PLXDC2: variants seen among roughly 807,000 people sequenced by gnomAD.
PLXDC2 encodes the protein plexin domain containing 2, also known as plexin domain-containing protein 2.
PLXDC2 carries 40 observed loss-of-function variants against 68.9 expected under a neutral mutation model. The observed-to-expected ratio is 0.58, with a 90% CI of 0.45 to 0.76. The LOEUF (loss-of-function observed/expected upper bound fraction) is 0.76. PLXDC2 is among the 30% of genes least tolerant of loss of function. PLXDC2 has a pLI of 0.00. For synonymous variants in PLXDC2, 243 were observed against 234.2 expected, an observed-to-expected ratio of 1.04 and a Z score of -0.34; for missense variants, 644 against 661.9, an observed-to-expected ratio of 0.97 and a Z score of 0.30.
chr10:19,935,791 A>G (rs750206344), intron 1 of PLXDC2, among the ~76,000 whole-genome samples: 49 of 152,226 alleles, frequency 3.2e-4, no homozygotes, highest in Non-Finnish European at 5.3e-4. Context: ...TCAAAAGCAC[A>G]TTTTAGGACA....
In PLXDC2 at chr10:20,284,054, C is replaced by T. The variant is rs1219185262; in HGVS notation, c.*4235C>T. On this transcript the variant is annotated 3_prime_UTR_variant, in exon 14 of 14. Coordinates refer to ENST00000377252, the MANE Select transcript of PLXDC2 (RefSeq NM_032812.9). ...ACTTGAGAAAGGTTTTGCCAGGATC[C>T]ACAGATCGCTTCAAGATGCTTTCGT... 3 of 152,026 alleles carry T rather than the reference C, an allele frequency of 2.0e-5. No homozygotes were observed. The highest frequency in any genetic ancestry group is 6.6e-5 in the Admixed American group (1 of 15,256). The allele number at this position is 152,026 out of a possible 1,614,324, so 9.4% of individuals were successfully genotyped here. A position where few individuals can be genotyped will look rare whatever the true frequency, so the allele number is the denominator to read the frequency against.
chr10:20,125,933 CATATATAT>C (rs3048906), intron 4 of PLXDC2, among the ~76,000 whole-genome samples: 1 of 146,530 alleles, frequency 6.8e-6, no homozygotes, highest in Admixed American at 6.9e-5. Context: ...GAGAAATGAA[CATATATAT>C]ATATATATAT....
chr10:19,819,328 A>G (rs1485833436), intron 1 of PLXDC2, among the ~76,000 whole-genome samples: 1 of 152,232 alleles, frequency 6.6e-6, no homozygotes, highest in East Asian at 1.9e-4. Flanking sequence ...TATAAACAGA[A>G]GTAGCTTCTT....
chr10:20,146,488 T>TTCCTTCC (rs1554769785), intron 5 of PLXDC2, among the ~76,000 whole-genome samples: 9 of 81,336 alleles, frequency 1.1e-4, no homozygotes, highest in African/African-American at 3.1e-4. Context: ...TTCTTTTCTT[T>TTCCTTCC]TTCCTTCCTT....
intron 2 of PLXDC2, among the ~76,000 whole-genome samples, chr10:20,036,159 C>A (rs1032308895): frequency 6.6e-6 from 1 of 152,130 alleles, no homozygotes; most frequent in African/African-American, 2.4e-5. Flanking sequence ...TACCCCCCGC[C>A]CACTCCAAAT....
intron 1 of PLXDC2, among the ~76,000 whole-genome samples, chr10:19,843,337 T>G (rs1292021130): frequency 1.3e-5 from 2 of 152,156 alleles, no homozygotes; most frequent in Non-Finnish European, 1.5e-5. Flanking sequence ...TTATCCAATA[T>G]CGATTTATTC....
At chr10:20,236,998 TTG>T (rs767394909) in intron 12 of PLXDC2, among the ~76,000 whole-genome samples, 23 of 93,062 alleles carry the variant, frequency 2.5e-4, no homozygotes, top group Non-Finnish European at 3.3e-4. Flanking sequence ...TTATGAGTTG[TTG>T]TTTTTTTTTT....
chr10:20,148,354 A>G (rs1373011388), intron 6 of PLXDC2, among the ~76,000 whole-genome samples: 1 of 152,084 alleles, frequency 6.6e-6, no homozygotes, highest in Non-Finnish European at 1.5e-5. Context: ...ATGTGGCTCA[A>G]GGACCCAGTA....
intron 2 of PLXDC2, among the ~76,000 whole-genome samples, chr10:20,041,387 A>G (rs927077465): frequency 1.3e-5 from 2 of 151,952 alleles, no homozygotes. Context: ...GGTACCAGGT[A>G]CCAGCTTATT....
chr10:20,113,816 C>T (rs755479381), intron 4 of PLXDC2, among the ~76,000 whole-genome samples: 18 of 152,112 alleles, frequency 1.2e-4, no homozygotes, highest in Non-Finnish European at 2.4e-4. Context: ...TGGTGCTTAT[C>T]AGAATGCTCT....
chr10:19,946,240 A>G (rs1377536224), intron 1 of PLXDC2, among the ~76,000 whole-genome samples: 1 of 152,168 alleles, frequency 6.6e-6, no homozygotes, highest in African/African-American at 2.4e-5. Flanking sequence ...GAAAATGTAG[A>G]TTTAATAATA....
intron 1 of PLXDC2, among the ~76,000 whole-genome samples, chr10:19,880,425 A>C (rs1837707266): frequency 1.3e-5 from 2 of 152,218 alleles, no homozygotes; most frequent in South Asian, 2.1e-4. Context: ...ACAATAACTA[A>C]TAATAAAATA....
intron 4 of PLXDC2, among the ~76,000 whole-genome samples, chr10:20,081,414 A>G (rs531831473): frequency 8.8e-4 from 126 of 143,164 alleles, no homozygotes; most frequent in African/African-American, 3.4e-3. Context: ...CAAAGAAAAA[A>G]AATGAAAAAA....
At chr10:19,985,543 A>G (rs1322284578) in intron 1 of PLXDC2, among the ~76,000 whole-genome samples, 1 of 152,160 alleles carries the variant, frequency 6.6e-6, no homozygotes, top group Non-Finnish European at 1.5e-5. Flanking sequence ...ACAATCCTAG[A>G]TATTAAAATT....
At chr10:20,120,837 A>C (rs1049326420) in intron 4 of PLXDC2, among the ~76,000 whole-genome samples, 1 of 152,210 alleles carries the variant, frequency 6.6e-6, no homozygotes, top group African/African-American at 2.4e-5. Context: ...GAAAGGTTCT[A>C]AGAGGCGGGC....
At chr10:19,996,674 T>G (rs1834849167) in intron 1 of PLXDC2, among the ~76,000 whole-genome samples, 1 of 152,188 alleles carries the variant, frequency 6.6e-6, no homozygotes, top group Non-Finnish European at 1.5e-5. Context: ...TTAGTCCATT[T>G]TCACCATGCT....
intron 4 of PLXDC2, among the ~76,000 whole-genome samples, chr10:20,139,697 C>T (rs1252977592): frequency 6.6e-6 from 1 of 152,136 alleles, no homozygotes; most frequent in Non-Finnish European, 1.5e-5. Context: ...AGTTAACGTC[C>T]TTTGCACGGA....
chr10:19,864,921 T>G (rs527692095), intron 1 of PLXDC2, among the ~76,000 whole-genome samples: 3 of 152,046 alleles, frequency 2.0e-5, no homozygotes, highest in Admixed American at 2.0e-4. Context: ...TAAGTGAGAG[T>G]TGGAAAAGCC....
intron 6 of PLXDC2, 86 bp from the exon 7 acceptor site, chr10:20,164,370 CCCATGGTTTTGT>C: frequency 1.0e-6 from 1 of 985,324 alleles, no homozygotes; most frequent in South Asian, 1.4e-5. Context: ...TTATCTCCTT[CCCATGGTTTTGT>C]CCATGAAACA....
Sources: allele counts gnomAD v4.1 joint callset (sites outside exome capture counted in the v4.1 genomes callset), GRCh38; gene constraint gnomAD v4.1.1; transcripts MANE v1.5; gene names NCBI Gene and HGNC (gene_info 2026-07-23, HGNC 2026-07-21).